SLMAP: variants seen among roughly 807,000 people sequenced by gnomAD.
The protein encoded by SLMAP is sarcolemmal membrane-associated protein.
A neutral mutation model predicts 128.8 loss-of-function variants in SLMAP; 44 were observed. The observed-to-expected ratio is 0.34, with a 90% confidence interval of 0.27 to 0.44. The LOEUF is 0.44. Among genes scored for constraint, SLMAP ranks in the 20% least tolerant of loss-of-function variants. The pLI is 1.00. For synonymous variants in SLMAP, 327 were observed against 348.8 expected, an observed-to-expected ratio of 0.94 and a Z score of 0.70; for missense variants, 787 against 985.3, an observed-to-expected ratio of 0.80 and a Z score of 2.69.
chr3:57,856,609 G>A (rs2094803483), intron 6 of SLMAP, among the ~76,000 whole-genome samples: 1 of 152,084 alleles, frequency 6.6e-6, no homozygotes, highest in South Asian at 2.1e-4. Context: ...TGTGATAACA[G>A]TGCCTTCTTC....
intron 2 of SLMAP, among the ~76,000 whole-genome samples, chr3:57,772,626 A>G (rs2081103542): frequency 6.6e-6 from 1 of 150,772 alleles, no homozygotes; most frequent in African/African-American, 2.4e-5. Context: ...TAAATCTACC[A>G]TCATGTTTCT....
chr3:57,834,018 A>G (rs2093493134), intron 3 of SLMAP, among the ~76,000 whole-genome samples: 1 of 152,304 alleles, frequency 6.6e-6, no homozygotes, highest in Middle Eastern at 3.4e-3. Context: ...ATTATGCAAC[A>G]CTACTAGATA....
rs976391585 is a variant in SLMAP at position 57,929,824 on chromosome 3, G to A, written c.*2535G>A. Among the ~76,000 whole-genome samples the A allele has an allele frequency of 2.0e-4, 31 of 152,270 alleles. No homozygotes were observed. The highest frequency in any genetic ancestry group is 7.5e-4 in the African/African-American group (31 of 41,542). On this transcript the variant is annotated 3_prime_UTR_variant, in exon 25 of 25. Coordinates refer to ENST00000671191, the MANE Select transcript of SLMAP (RefSeq NM_001377540.1). ...CATTTTCTCATTTATAACATGCGGA[G>A]AATAATACTTATATTTGTGGTAGTA...
intron 2 of SLMAP, among the ~76,000 whole-genome samples, chr3:57,789,492 A>T (rs886818706): frequency 3.3e-4 from 50 of 152,110 alleles, no homozygotes; most frequent in African/African-American, 1.2e-3. Context: ...GATAATGAGG[A>T]ACCTGATCAT....
At chr3:57,819,624 AT>A (rs780146449) in intron 2 of SLMAP, among the ~76,000 whole-genome samples, 1 of 152,150 alleles carries the variant, frequency 6.6e-6, no homozygotes, top group Non-Finnish European at 1.5e-5. Flanking sequence ...GATGGAGCCC[AT>A]TGTATGCATT....
intron 2 of SLMAP, among the ~76,000 whole-genome samples, chr3:57,810,786 A>G (rs886922309): frequency 6.6e-6 from 1 of 152,140 alleles, no homozygotes; most frequent in Non-Finnish European, 1.5e-5. Flanking sequence ...CATTATTCAC[A>G]TAGCTTCCAG....
At chr3:57,814,260 G>T (rs2091516323) in intron 2 of SLMAP, among the ~76,000 whole-genome samples, 1 of 151,942 alleles carries the variant, frequency 6.6e-6, no homozygotes, top group African/African-American at 2.4e-5. Context: ...CACAATCATG[G>T]GTCATCGCAG....
In SLMAP at chr3:57,767,633, G is replaced by C. The variant is rs149257113; in HGVS notation, c.198+9784G>C. Among the ~76,000 whole-genome samples, 586 of 152,250 alleles carry C rather than the reference G, an allele frequency of 3.8e-3. 1 individual carries two copies. The highest frequency in any genetic ancestry group is 6.0e-3 in the Non-Finnish European group (410 of 68,002). The stretch of plus-strand genomic sequence containing the variant: ...TTTAGAATAATCAGAGTGCTTTCTT[G>C]TTTCATTTGGTCTATATAACACTCT... On this transcript the variant is annotated intron_variant, in intron 2 of 24. Coordinates refer to ENST00000671191, the MANE Select transcript of SLMAP (RefSeq NM_001377540.1).
intron 3 of SLMAP, among the ~76,000 whole-genome samples, chr3:57,840,403 C>T (rs976043445): frequency 1.3e-5 from 2 of 152,184 alleles, no homozygotes; most frequent in African/African-American, 4.8e-5. Context: ...TTCTCATCAG[C>T]CTGCATTAGT....
chr3:57,860,498 G>A (rs1224957938), intron 8 of SLMAP, among the ~76,000 whole-genome samples: 1 of 151,910 alleles, frequency 6.6e-6, no homozygotes, highest in Non-Finnish European at 1.5e-5. Context: ...TATAGGAAGT[G>A]GAAATTAGTA....
chr3:57,768,763 T>G lies in SLMAP; in HGVS notation c.198+10914T>G, dbSNP rs117657790. 2.6e-4 allele frequency among the ~76,000 whole-genome samples: 40 copies of G among 152,184 alleles called. No individual in the cohort carries two copies. The East Asian group carries it at 7.5e-3, about 29-fold the overall frequency. ...ATACCATTATACTTTGAGTAAAGCA[T>G]ATTACCCTCCATAATGTGGGTGGGC... On this transcript the variant is annotated intron_variant, in intron 2 of 24. Transcript: ENST00000671191.
chr3:57,798,336 G>C (rs1576646257), intron 2 of SLMAP, among the ~76,000 whole-genome samples: 1 of 152,184 alleles, frequency 6.6e-6, no homozygotes. Flanking sequence ...CGGCTGCTTT[G>C]GGGCCCTAAG....
At chr3:57,866,273 A>AAAAAG (rs3037507) in intron 13 of SLMAP, among the ~76,000 whole-genome samples, 8 of 150,602 alleles carry the variant, frequency 5.3e-5, no homozygotes, top group South Asian at 2.1e-4. Context: ...CCTGTCTTTA[A>AAAAAG]AAAAGAAAAG....
chr3:57,821,235 T>G (rs1379400862), intron 2 of SLMAP, among the ~76,000 whole-genome samples: 1 of 152,204 alleles, frequency 6.6e-6, no homozygotes, highest in Non-Finnish European at 1.5e-5. Context: ...GAAATACTTT[T>G]TCTTTCTCCA....
intron 24 of SLMAP, 126 bp from the exon 25 acceptor site, chr3:57,927,170 A>G: frequency 8.5e-6 from 4 of 469,378 alleles, no homozygotes; most frequent in South Asian, 5.9e-5. Context: ...CTTTATATTT[A>G]TGATGCAGAA....
At chr3:57,895,277 G>T (rs2096209670) in intron 15 of SLMAP, among the ~76,000 whole-genome samples, 1 of 152,094 alleles carries the variant, frequency 6.6e-6, no homozygotes, top group Admixed American at 6.5e-5. Flanking sequence ...GGCCTAAGAT[G>T]GCTTCATTGG....
chr3:57,881,467 T>C (rs1359319856), intron 14 of SLMAP, among the ~76,000 whole-genome samples: 1 of 152,268 alleles, frequency 6.6e-6, no homozygotes, highest in East Asian at 1.9e-4. Context: ...TTATTTATTA[T>C]TATTTTTTGA....
intron 2 of SLMAP, among the ~76,000 whole-genome samples, chr3:57,826,509 A>G (rs1417797264): frequency 6.6e-6 from 1 of 152,178 alleles, no homozygotes; most frequent in African/African-American, 2.4e-5. Flanking sequence ...TTTTTGTAAA[A>G]TGTTTAAAAA....
chr3:57,819,223 A>C (rs931286451), intron 2 of SLMAP, among the ~76,000 whole-genome samples: 1 of 152,226 alleles, frequency 6.6e-6, no homozygotes, highest in Non-Finnish European at 1.5e-5. Context: ...GAGGAGATAT[A>C]TCTCTCAAAG....
Sources: allele counts gnomAD v4.1 joint callset (sites outside exome capture counted in the v4.1 genomes callset), GRCh38; gene constraint gnomAD v4.1.1; transcripts MANE v1.5; gene names NCBI Gene and HGNC (gene_info 2026-07-23, HGNC 2026-07-21).